The following TCOF1 variants were observed in gnomAD, a reference collection of about 807,000 sequenced individuals.
TCOF1 encodes treacle ribosome biogenesis factor 1.
Under a neutral mutation model 149.0 loss-of-function variants are expected in TCOF1, and 33 were observed. That is an observed-to-expected ratio of 0.22 (90% CI 0.17 to 0.30). The LOEUF (loss-of-function observed/expected upper bound fraction) is 0.30, where lower values mean the gene tolerates loss of function less well. Ranked by LOEUF, TCOF1 falls within the 10% of genes least tolerant of loss-of-function variation. The pLI is 1.00. For missense variants in TCOF1, 1,728 were observed against 1,840.7 expected (o/e 0.94, Z 1.12); for synonymous variants, 789 against 738.8 (o/e 1.07, Z -1.10).
At chr5:150,385,483 A>G (rs1209830624) in intron 17 of TCOF1, among the ~76,000 whole-genome samples, 1 of 152,212 alleles carries the variant, frequency 6.6e-6, no homozygotes, top group Admixed American at 6.5e-5. Flanking sequence ...GCTCCAGGCC[A>G]CATCCCCAGA....
Position 150,392,121 on chromosome 5 carries a change from A to G in TCOF1, c.3462A>G (p.Ser1154=). The G allele has an allele frequency of 6.2e-7, 1 of 1,614,236 alleles. No homozygotes were observed. The highest frequency in any genetic ancestry group is 8.5e-7 in the Non-Finnish European group (1 of 1,180,040). ...GTGAGGACAGCAGCGACAGTTCTTCAGGGAGTGAGGAAGATGGTGAAGGGC... is the reference window on the plus strand; with the variant it reads ...GTGAGGACAGCAGCGACAGTTCTTCGGGGAGTGAGGAAGATGGTGAAGGGC... ...DDSEDSSDSS[S]GSEEDGEGPQ... is the part of the protein sequence containing the mutation. Residue 1154 remains serine, a synonymous_variant, in exon 21 of 27, where the codon TCA becomes TCG. Coordinates refer to ENST00000643257, the MANE Select transcript of TCOF1 (RefSeq NM_001371623.1).
intron 10 of TCOF1, 51 bp from the exon 11 acceptor site, chr5:150,375,288 C>G (rs370800070): frequency 6.2e-7 from 1 of 1,604,802 alleles, no homozygotes; most frequent in African/African-American, 1.3e-5. Flanking sequence ...TCCCCTCACT[C>G]ACATTCTCCT....
chr5:150,393,728 G>T, intron 23 of TCOF1, 176 bp downstream of exon 23: 1 of 829,362 alleles, frequency 1.2e-6, no homozygotes, highest in Non-Finnish European at 1.9e-6. Flanking sequence ...CAAAGTGCAG[G>T]TGGGGCCAGG....
chr5:150,384,591 G>T (rs1473939535), intron 17 of TCOF1: 2 of 985,372 alleles, frequency 2.0e-6, no homozygotes, highest in Non-Finnish European at 2.4e-6. Context: ...CCCTTTCTCT[G>T]TGGGGGTGGA....
intron 17 of TCOF1, chr5:150,384,146 T>TTCATCAGTAAGGTCAGATG: frequency 1.9e-6 from 2 of 1,080,924 alleles, no homozygotes; most frequent in South Asian, 7.7e-5. Context: ...TTGTTATCAA[T>TTCATCAGTAAGGTCAGATG]TCATCAGTAA....
At chr5:150,383,860 T>C in intron 17 of TCOF1, 1 of 1,549,264 alleles carries the variant, frequency 6.5e-7, no homozygotes, top group Non-Finnish European at 8.7e-7. Context: ...AGGCTACACC[T>C]CCAAGGGTGG....
intron 2 of TCOF1, among the ~76,000 whole-genome samples, chr5:150,362,697 C>T (rs1760415400): frequency 6.6e-6 from 1 of 152,120 alleles, no homozygotes; most frequent in African/African-American, 2.4e-5. Flanking sequence ...TCTTTGAAAA[C>T]CCTGCCAACC....
chr5:150,385,144 A>T, intron 17 of TCOF1: 1 of 934,296 alleles, frequency 1.1e-6, no homozygotes, highest in Non-Finnish European at 1.3e-6. Flanking sequence ...GTTATATACC[A>T]CAAATATATG....
chr5:150,397,875 G>C (rs1448864420), intron 24 of TCOF1, among the ~76,000 whole-genome samples: 1 of 152,068 alleles, frequency 6.6e-6, no homozygotes, highest in Non-Finnish European at 1.5e-5. Context: ...TGGCCTCCAG[G>C]GGGCAGGTGA....
rs771075643 is a variant in TCOF1, at chr5:150,374,618, C to A, written c.1085C>A (p.Ala362Glu). The A allele has an allele frequency of 6.2e-6, 10 of 1,611,186 alleles. No individual in the cohort carries two copies. The South Asian group carries it at 1.1e-4, about 18-fold the overall frequency. The change falls in exon 9 of 27, where the codon GCG becomes GAG. Residue 362 changes from alanine (A) to glutamate (E), a missense_variant and splice_region_variant. Physicochemically the swap from Ala to Glu is moderately radical, Grantham distance 107. Transcript: ENST00000643257. ...ETPAAKALLQ[A>E]KASGKTSQVG... Reference sequence around the variant, plus strand: ...TCTCCCCTTGTCTTGTTTCTCCAGGCGAAGGCCTCAGGAAAAACCTCTCAG... The same window carrying A: ...TCTCCCCTTGTCTTGTTTCTCCAGGAGAAGGCCTCAGGAAAAACCTCTCAG...
chr5:150,357,931 C>T, intron 1 of TCOF1, 77 bp downstream of exon 1: 2 of 1,483,542 alleles, frequency 1.3e-6, no homozygotes, highest in Middle Eastern at 4.6e-4. Context: ...CGCCCCGTCC[C>T]CAGGCGACCC....
Position 150,396,690 on chromosome 5 carries a change from G to A in TCOF1, c.4193G>A (p.Gly1398Asp). ...KGKAKRDKAS[G>D]DVKEKKGKGS... ...AAAGCAAAGAGAGACAAAGCAAGTG[G>A]TGATGTCAAGGAGAAGAAAGGGAAG... Residue 1398 changes from glycine (G) to aspartate (D), a missense_variant, in exon 24 of 27, where the codon GGT becomes GAT. By Grantham distance (94) the Gly-to-Asp change is moderately conservative. Around this residue, in one of 2 missense-constraint regions of TCOF1, gnomAD observed 1,696 missense variants for 1,765.4 expected, o/e 0.96. Transcript: ENST00000643257. 1.2e-6 allele frequency: 2 copies of A among 1,612,798 alleles called. No homozygotes were observed. The highest frequency in any genetic ancestry group is 1.7e-6 in the Non-Finnish European group (2 of 1,179,530).
chr5:150,393,311 G>A (rs897559658), intron 22 of TCOF1, 61 bp from the exon 23 acceptor site: 8 of 1,605,504 alleles, frequency 5.0e-6, no homozygotes, highest in African/African-American at 1.3e-5. Flanking sequence ...GCCATGACTC[G>A]GGCTGGGTTA....
chr5:150,398,062 A>G (rs1198767985), intron 24 of TCOF1, among the ~76,000 whole-genome samples: 9 of 152,202 alleles, frequency 5.9e-5, no homozygotes, highest in Non-Finnish European at 1.2e-4. Context: ...AGCTGGGACC[A>G]CAGGCGTGCA....
intron 21 of TCOF1, 128 bp downstream of exon 21, chr5:150,392,304 C>T (rs1160438942): frequency 5.5e-6 from 5 of 909,256 alleles, no homozygotes; most frequent in Non-Finnish European, 8.2e-6. Flanking sequence ...GCCTGGGCCT[C>T]AGTTTCCCCA....
At chr5:150,364,928 C>G (rs1478361549) in intron 3 of TCOF1, 2 of 152,746 alleles carry the variant, frequency 1.3e-5, no homozygotes, top group Non-Finnish European at 1.5e-5. Flanking sequence ...CCATGTTGTC[C>G]AGGCTGGTCT....
At chr5:150,364,281 C>T (rs894890059) in intron 3 of TCOF1, 29 bp downstream of exon 3, 1 of 1,613,794 alleles carries the variant, frequency 6.2e-7, no homozygotes, top group Non-Finnish European at 8.5e-7. Context: ...TGGGAACAGG[C>T]TATGGAATAT....
rs1467499141 is a variant in TCOF1 at position 150,374,286 on chromosome 5, C to G, written c.983C>G (p.Ser328Cys). Residue 328 changes from serine (S) to cysteine (C), a missense_variant, in exon 8 of 27, where the codon TCC (serine) becomes TGC (cysteine). Ser to Cys is a moderately radical substitution (Grantham distance 112). Coordinates refer to ENST00000643257, the MANE Select transcript of TCOF1 (RefSeq NM_001371623.1). ...APPGKAGAVA[S>C]QTKAGKPEED... ...CCTGGGAAGGCAGGGGCTGTAGCCT[C>G]CCAGACCAAGGCAGGGAAGCCAGAG... 5.6e-6 allele frequency: 9 copies of G among 1,596,392 alleles called. No individual in the cohort carries two copies. Among genetic ancestry groups the G allele is most frequent in the Middle Eastern group, 1.7e-4 (1 of 6,022 alleles).
intron 26 of TCOF1, 56 bp downstream of exon 26, chr5:150,399,126 C>T: frequency 1.2e-6 from 2 of 1,603,702 alleles, no homozygotes; most frequent in East Asian, 2.2e-5. Context: ...TCTGGTGTCC[C>T]CTGTGGTCCC....
Sources: gnomAD v4.1 joint callset for allele counts (sites outside exome capture counted in the v4.1 genomes callset) on GRCh38, gnomAD v4.1.1 for gene constraint, gnomAD v4.1.1 regional missense constraint, MANE v1.5 for transcripts, NCBI Gene and HGNC (gene_info 2026-07-23, HGNC 2026-07-21) for gene names.